The following PID1 variants were observed in gnomAD, a reference collection of about 807,000 sequenced individuals.
PID1 encodes PTB-containing, cubilin and LRP1-interacting protein.
PID1 carries 10 observed loss-of-function variants against 19.1 expected under a neutral mutation model. The observed-to-expected ratio is 0.52, with a 90% confidence interval of 0.32 to 0.89. PID1 has a LOEUF of 0.89. PID1 is among the 40% of genes least tolerant of loss of function. PID1 has a pLI of 0.03. For missense variants in PID1, 248 were observed against 285.3 expected, an observed-to-expected ratio of 0.87 and a Z score of 0.94; for synonymous variants, 130 against 116.0, an observed-to-expected ratio of 1.12 and a Z score of -0.78.
At chr2:229,173,085 GGAGCTCTCCATGT>G (rs1408982112) in intron 1 of PID1, among the ~76,000 whole-genome samples, 7 of 152,114 alleles carry the variant, frequency 4.6e-5, no homozygotes, top group South Asian at 2.1e-4. Flanking sequence ...AGAAAGGAAA[GGAGCTCTCCATGT>G]GAGCTCTCCA....
At chr2:229,135,914 A>C (rs185514368) in intron 2 of PID1, among the ~76,000 whole-genome samples, 119 of 152,342 alleles carry the variant, frequency 7.8e-4, no homozygotes, top group Non-Finnish European at 1.4e-3. Context: ...CATAGTAGGC[A>C]GTTTCTAAGA....
chr2:229,079,017 G>C (rs936999030), intron 2 of PID1, among the ~76,000 whole-genome samples: 1 of 152,132 alleles, frequency 6.6e-6, no homozygotes, highest in Non-Finnish European at 1.5e-5. Context: ...TTCCAAAGTA[G>C]AACTGTATGT....
intron 2 of PID1, among the ~76,000 whole-genome samples, chr2:229,065,037 T>A (rs1165664105): frequency 6.6e-6 from 1 of 152,106 alleles, no homozygotes; most frequent in Non-Finnish European, 1.5e-5. Context: ...CAGATGCCAA[T>A]CACTGGCCCC....
At chr2:229,153,117 C>T (rs1323576635) in intron 2 of PID1, among the ~76,000 whole-genome samples, 1 of 152,084 alleles carries the variant, frequency 6.6e-6, no homozygotes, top group Admixed American at 6.6e-5. Context: ...TGGGGAAGAT[C>T]TAAAAGGATT....
intron 2 of PID1, among the ~76,000 whole-genome samples, chr2:229,146,488 G>A (rs1690136179): frequency 6.6e-6 from 1 of 151,636 alleles, no homozygotes; most frequent in Admixed American, 6.6e-5. Flanking sequence ...AGAACTTAAA[G>A]TAAATTTTTA....
intron 2 of PID1, among the ~76,000 whole-genome samples, chr2:229,151,831 A>G (rs1271580322): frequency 6.6e-6 from 1 of 152,084 alleles, no homozygotes; most frequent in Non-Finnish European, 1.5e-5. Context: ...CGGCCTCCCA[A>G]AGTGCTGGGA....
At position 229,145,135 on chromosome 2, in the gene PID1, G is replaced by A. The variant is rs961147425; in HGVS notation, c.177+10683C>T. ...AAATAAGAATGACATAACGAATGCT[G>A]AGTTTAAATATATGTATGTGTATAT... On this transcript the variant is annotated intron_variant, in intron 2 of 2. Transcript: ENST00000392055. 2.5e-5 allele frequency among the ~76,000 whole-genome samples: 3 copies of A among 120,610 alleles called. 1 individual carries two copies. The highest frequency in any genetic ancestry group is 6.4e-5 in the African/African-American group (2 of 31,306). 79.1% of individuals were successfully genotyped at this position (120,610 alleles called of 152,430 possible).
intron 1 of PID1, among the ~76,000 whole-genome samples, chr2:229,257,565 C>T (rs1690335625): frequency 6.6e-6 from 1 of 152,188 alleles, no homozygotes; most frequent in Admixed American, 6.5e-5. Flanking sequence ...GCCTGCTGTT[C>T]CAGTTTAATT....
intron 1 of PID1, among the ~76,000 whole-genome samples, chr2:229,263,317 G>A (rs1690507488): frequency 6.6e-6 from 1 of 152,156 alleles, no homozygotes; most frequent in South Asian, 2.1e-4. Flanking sequence ...GTCATGTATT[G>A]CTGCAGAATC....
At chr2:229,242,012 T>C (rs912301880) in intron 1 of PID1, among the ~76,000 whole-genome samples, 2 of 68,574 alleles carry the variant, frequency 2.9e-5, no homozygotes, top group African/African-American at 7.4e-5. Context: ...TAAATCAGTG[T>C]TTTTGTTTTT....
rs139582625 is a variant in PID1 at position 229,163,050 on chromosome 2, A to G, written c.31-7086T>C. Among the ~76,000 whole-genome samples the G allele has an allele frequency of 3.9e-3, 600 of 152,292 alleles. 4 individuals are homozygous for G. Among genetic ancestry groups the G allele is most frequent in the African/African-American group, 0.013 (541 of 41,582 alleles). ...AAGAAGAAAACTTTTACTTAAAATG[A>G]CCTTTTATTTAAACTTTTTTAAACT... On this transcript the variant is annotated intron_variant, in intron 1 of 2. Transcript: ENST00000392055.
chr2:229,216,677 T>A (rs1691853741), intron 1 of PID1, among the ~76,000 whole-genome samples: 1 of 152,120 alleles, frequency 6.6e-6, no homozygotes, highest in South Asian at 2.1e-4. Flanking sequence ...TTCTTAAATA[T>A]GCTTCTCATA....
chr2:229,177,237 G>A lies in PID1; in HGVS notation c.31-21273C>T, dbSNP rs139242245. On this transcript the variant is annotated intron_variant, in intron 1 of 2. Transcript: ENST00000392055. ...GGAGTTACAATTCAAGATGAGATTT[G>A]AGTAGGGACACAGCCAACCATATCG... 8.5e-5 allele frequency among the ~76,000 whole-genome samples: 13 copies of A among 152,228 alleles called. No homozygotes were observed. The East Asian group carries it at 2.5e-3, about 29-fold the overall frequency.
At chr2:229,134,434 G>A (rs1689816452) in intron 2 of PID1, among the ~76,000 whole-genome samples, 1 of 151,384 alleles carries the variant, frequency 6.6e-6, no homozygotes, top group Non-Finnish European at 1.5e-5. Flanking sequence ...AGTAGAGACA[G>A]GGTTTCACTA....
intron 2 of PID1, among the ~76,000 whole-genome samples, 186 bp from the exon 3 acceptor site, chr2:229,026,294 T>G (rs2106160866): frequency 6.6e-6 from 1 of 152,352 alleles, no homozygotes; most frequent in Non-Finnish European, 1.5e-5. Flanking sequence ...AGTTGCCTAC[T>G]TGGCAAATGT....
At chr2:229,246,921 A>G (rs975504339) in intron 1 of PID1, among the ~76,000 whole-genome samples, 1 of 152,186 alleles carries the variant, frequency 6.6e-6, no homozygotes, top group African/African-American at 2.4e-5. Context: ...ATGGAAAAAA[A>G]GTAAGGTAGC....
intron 2 of PID1, among the ~76,000 whole-genome samples, chr2:229,113,745 G>A (rs1695351105): frequency 6.6e-6 from 1 of 151,810 alleles, no homozygotes; most frequent in South Asian, 2.1e-4. Flanking sequence ...TTTAAATTCT[G>A]GTTCTTAGCC....
intron 1 of PID1, among the ~76,000 whole-genome samples, chr2:229,212,218 C>T (rs1305863118): frequency 6.6e-6 from 1 of 152,170 alleles, no homozygotes; most frequent in Non-Finnish European, 1.5e-5. Flanking sequence ...GTTTAAAATA[C>T]AATTTTCCTC....
intron 1 of PID1, among the ~76,000 whole-genome samples, chr2:229,258,715 G>A (rs758241223): frequency 9.2e-5 from 14 of 151,864 alleles, no homozygotes; most frequent in Non-Finnish European, 1.9e-4. Context: ...AAAATTAGCC[G>A]GGCCTACGTA....
Sources: allele counts gnomAD v4.1 joint callset (sites outside exome capture counted in the v4.1 genomes callset), GRCh38; gene constraint gnomAD v4.1.1; transcripts MANE v1.5; gene names NCBI Gene and HGNC (gene_info 2026-07-23, HGNC 2026-07-21).